The following GRM5 variants were observed in gnomAD, a reference collection of about 807,000 sequenced individuals.
GRM5 encodes glutamate metabotropic receptor 5, also known as metabotropic glutamate receptor 5.
A neutral mutation model predicts 83.1 loss-of-function variants in GRM5; 19 were observed. The observed-to-expected ratio is 0.23, with a 90% CI of 0.16 to 0.34. GRM5 has a LOEUF of 0.34. Ranked by LOEUF, GRM5 falls within the 10% of genes least tolerant of loss-of-function variation. GRM5 has a pLI of 1.00. For synonymous variants in GRM5, 675 were observed against 633.6 expected, an observed-to-expected ratio of 1.07 and a Z score of -0.98; for missense variants, 1,160 against 1,588.3, an observed-to-expected ratio of 0.73 and a Z score of 4.58.
At chr11:88,606,445 C>T (rs1477250641) in intron 4 of GRM5, among the ~76,000 whole-genome samples, 1 of 152,158 alleles carries the variant, frequency 6.6e-6, no homozygotes, top group Non-Finnish European at 1.5e-5. Flanking sequence ...TCCCTTTAAC[C>T]TGGGAGGTTG....
chr11:88,910,683 A>T (rs1945481455), intron 2 of GRM5, among the ~76,000 whole-genome samples: 1 of 152,096 alleles, frequency 6.6e-6, no homozygotes, highest in African/African-American at 2.4e-5. Flanking sequence ...AAAGAGGAAT[A>T]TCCTATATGG....
At position 88,564,920 on chromosome 11, in the gene GRM5, T is replaced by G. The variant is rs1359093185; in HGVS notation, c.2630+2133A>C. Among the ~76,000 whole-genome samples, 5 of 151,174 alleles carry G rather than the reference T, an allele frequency of 3.3e-5. No homozygotes were observed. The East Asian group carries it at 9.7e-4, about 29-fold the overall frequency. On this transcript the variant is annotated intron_variant, in intron 8 of 9. Coordinates refer to ENST00000305447, the MANE Select transcript of GRM5 (RefSeq NM_001143831.3). ...CATAGGTTTGTGCTGCCGTTTATAG[T>G]GCTGTCTTTGTTATTAAGATCATCC... is the stretch of plus-strand genomic sequence containing the variant.
At chr11:88,982,628 TG>T (rs1939564264) in intron 2 of GRM5, among the ~76,000 whole-genome samples, 1 of 152,200 alleles carries the variant, frequency 6.6e-6, no homozygotes, top group Admixed American at 6.5e-5. Flanking sequence ...ATCTATTTTT[TG>T]TTTTATACAC....
intron 4 of GRM5, chr11:88,612,788 G>T (rs1938361033): frequency 6.6e-6 from 1 of 152,174 alleles, no homozygotes; most frequent in Non-Finnish European, 1.5e-5. Flanking sequence ...GTCTGTTCAT[G>T]TCCTTCGCCC....
At chr11:88,792,864 A>C (rs2135476752) in intron 3 of GRM5, among the ~76,000 whole-genome samples, 1 of 152,288 alleles carries the variant, frequency 6.6e-6, no homozygotes, top group East Asian at 1.9e-4. Flanking sequence ...TTATTGAAAA[A>C]TATTTAAAAA....
At chr11:88,615,712 A>C (rs1022279965) in intron 4 of GRM5, among the ~76,000 whole-genome samples, 4 of 151,258 alleles carry the variant, frequency 2.6e-5, no homozygotes, top group African/African-American at 7.3e-5. Flanking sequence ...TTTTTTTTTA[A>C]ATTGGGGCCA....
At chr11:88,602,759 C>G (rs1398912008) in intron 5 of GRM5, among the ~76,000 whole-genome samples, 1 of 152,130 alleles carries the variant, frequency 6.6e-6, no homozygotes, top group African/African-American at 2.4e-5. Flanking sequence ...AGTCATTGAA[C>G]TTTTGTAAGC....
chr11:88,792,817 C>A (rs1052803566), intron 3 of GRM5, among the ~76,000 whole-genome samples: 1 of 151,840 alleles, frequency 6.6e-6, no homozygotes, highest in Non-Finnish European at 1.5e-5. Flanking sequence ...ATACCATAAC[C>A]ATTTGTATTT....
chr11:88,912,916 T>C (rs1247337640), intron 2 of GRM5, among the ~76,000 whole-genome samples: 2 of 152,214 alleles, frequency 1.3e-5, no homozygotes, highest in Non-Finnish European at 2.9e-5. Context: ...TTCCCAGGTC[T>C]ACATACATGA....
At chr11:88,999,199 C>T (rs1220011789) in intron 2 of GRM5, among the ~76,000 whole-genome samples, 1 of 152,166 alleles carries the variant, frequency 6.6e-6, no homozygotes, top group Non-Finnish European at 1.5e-5. Flanking sequence ...ATGTCTAAAA[C>T]ACCAAAAGCA....
In GRM5 at chr11:88,684,657, T is replaced by G. The variant is rs941633495; in HGVS notation, c.912-31254A>C. Among the ~76,000 whole-genome samples the G allele has an allele frequency of 4.6e-5, 7 of 152,302 alleles. No homozygotes were observed. The South Asian group carries it at 1.4e-3, about 32-fold the overall frequency. Reference sequence around the variant, plus strand: ...TTTGGCTCTGTGTCCCCACCCAAATTGTACTCCCATAATTCCCACATGTTG... The same window carrying G: ...TTTGGCTCTGTGTCCCCACCCAAATGGTACTCCCATAATTCCCACATGTTG... On this transcript the variant is annotated intron_variant, in intron 3 of 9. Coordinates refer to ENST00000305447, the MANE Select transcript of GRM5 (RefSeq NM_001143831.3).
intron 2 of GRM5, among the ~76,000 whole-genome samples, chr11:89,040,684 G>C (rs1941509356): frequency 6.6e-6 from 1 of 151,220 alleles, no homozygotes; most frequent in Non-Finnish European, 1.5e-5. Context: ...CTGGGCAATA[G>C]AGAGAGACCC....
At chr11:88,737,166 T>C (rs1565207811) in intron 3 of GRM5, among the ~76,000 whole-genome samples, 3 of 152,080 alleles carry the variant, frequency 2.0e-5, no homozygotes, top group Admixed American at 1.3e-4. Flanking sequence ...TCAATGAAGA[T>C]GATACATTCT....
chr11:88,845,725 G>GGCCCCCCCCC (rs1944293727), intron 3 of GRM5, among the ~76,000 whole-genome samples: 1 of 147,336 alleles, frequency 6.8e-6, no homozygotes, highest in Admixed American at 6.7e-5. Context: ...GAACCACCGC[G>GGCCCCCCCCC]CCCCCCCCCA....
intron 2 of GRM5, among the ~76,000 whole-genome samples, chr11:88,891,545 TA>T (rs1244073397): frequency 6.9e-6 from 1 of 144,638 alleles, no homozygotes; most frequent in Admixed American, 7.1e-5. Flanking sequence ...AGTCTTAACT[TA>T]TATTTTTGTG....
In GRM5 at chr11:88,567,987, C is replaced by T. The variant is rs922439947; in HGVS notation, c.1696G>A (p.Asp566Asn). ...CGAAGATACTGTACTGGGATCAAGT[C>T]ACAACCTGCAGAGACACAAACACAT... The part of the protein sequence containing the change: ...SWPTDDLTGC[D>N]LIPVQYLRWG... Residue 566 changes from aspartate (D) to asparagine (N), a missense_variant, in exon 8 of 10, where the codon GAC (aspartate) becomes AAC (asparagine). Around this residue, in one of 9 missense-constraint regions of GRM5, gnomAD observed 132 missense variants for 245.5 expected, o/e 0.54. Coordinates refer to ENST00000305447, the MANE Select transcript of GRM5 (RefSeq NM_001143831.3). The surrounding 1 kb of genome is among the most constrained non-coding windows in gnomAD (Gnocchi z 7.3). 5.6e-6 allele frequency: 9 copies of T among 1,604,002 alleles called. No homozygotes were observed. The highest frequency in any genetic ancestry group is 1.7e-5 in the Admixed American group (1 of 59,632).
chr11:88,603,062 A>C (rs369919798), intron 5 of GRM5, among the ~76,000 whole-genome samples: 2 of 152,204 alleles, frequency 1.3e-5, no homozygotes, highest in East Asian at 3.8e-4. Context: ...AATTCCCAGA[A>C]GTTGTTTGCA....
chr11:88,988,313 A>C (rs922295044), intron 2 of GRM5, among the ~76,000 whole-genome samples: 1 of 151,036 alleles, frequency 6.6e-6, no homozygotes, highest in Non-Finnish European at 1.5e-5. Flanking sequence ...TTAGAGAAAA[A>C]AGAATAAAAA....
chr11:88,679,495 T>C (rs1020017988), intron 3 of GRM5, among the ~76,000 whole-genome samples: 2 of 152,148 alleles, frequency 1.3e-5, no homozygotes, highest in Admixed American at 6.6e-5. Context: ...TTGGTTGCAG[T>C]ATATATATAG....
Sources: gnomAD v4.1 joint callset for allele counts (sites outside exome capture counted in the v4.1 genomes callset) on GRCh38, gnomAD v4.1.1 for gene constraint, gnomAD v4.1.1 regional missense constraint, Gnocchi (gnomAD v3.1) non-coding constraint, MANE v1.5 for transcripts, NCBI Gene and HGNC (gene_info 2026-07-23, HGNC 2026-07-21) for gene names.